The following ANK2 variants were observed in gnomAD, a reference collection of about 807,000 sequenced individuals.
ANK2 encodes the protein ankyrin 2.
Under a neutral mutation model 360.5 loss-of-function variants are expected in ANK2, and 83 were observed. That is an observed-to-expected ratio of 0.23 (90% confidence interval 0.19 to 0.28). The LOEUF is 0.28. ANK2 is among the 10% of genes least tolerant of loss of function. ANK2 has a pLI of 1.00. For synonymous variants in ANK2, 1,740 were observed against 1,759.5 expected, an observed-to-expected ratio of 0.99 and a Z score of 0.28; for missense variants, 4,201 against 4,795.7, an observed-to-expected ratio of 0.88 and a Z score of 3.66.
intron 1 of ANK2, among the ~76,000 whole-genome samples, chr4:113,094,191 G>A (rs2089919177): frequency 6.6e-6 from 1 of 152,008 alleles, no homozygotes; most frequent in Non-Finnish European, 1.5e-5. Flanking sequence ...CAATTTTTCT[G>A]CTTATTTTAA....
At chr4:113,310,589 G>A (rs1028375134) in intron 23 of ANK2, among the ~76,000 whole-genome samples, 1 of 151,980 alleles carries the variant, frequency 6.6e-6, no homozygotes, top group Admixed American at 6.6e-5. Context: ...GCTAATTTTT[G>A]TATTTTTAGT....
At chr4:113,009,827 T>G (rs1203602878) in intron 2 of ANK2, among the ~76,000 whole-genome samples, 1 of 152,110 alleles carries the variant, frequency 6.6e-6, no homozygotes, top group Non-Finnish European at 1.5e-5. Flanking sequence ...ATGTTTTTTC[T>G]TTATGGAGTA....
chr4:113,179,477 T>A (rs2098337004), intron 2 of ANK2, among the ~76,000 whole-genome samples: 1 of 152,222 alleles, frequency 6.6e-6, no homozygotes, highest in Admixed American at 6.5e-5. Flanking sequence ...TTGCTTTTAA[T>A]TATTTAAATG....
At chr4:113,218,840 AT>A (rs2099116920) in intron 4 of ANK2, among the ~76,000 whole-genome samples, 2 of 151,794 alleles carry the variant, frequency 1.3e-5, no homozygotes, top group African/African-American at 4.8e-5. Flanking sequence ...CTAGAAAGTC[AT>A]TTTTTATTTT....
chr4:112,839,349 G>A (rs561210866), intron 1 of ANK2, among the ~76,000 whole-genome samples: 2 of 151,808 alleles, frequency 1.3e-5, no homozygotes, highest in South Asian at 4.2e-4. Context: ...TGATGCTCAG[G>A]ATCAGGCTTT....
In ANK2 at chr4:113,341,724, C is replaced by T. The variant is rs563444325; in HGVS notation, c.3930C>T (p.Ser1310=). The change falls in exon 33 of 46, where the codon TCC becomes TCT. Residue 1310 remains serine, a synonymous_variant. Coordinates refer to ENST00000357077, the MANE Select transcript of ANK2 (RefSeq NM_001148.6). The part of the protein sequence containing the change: ...WLIDCRQIQE[S]VTFASQVYRE... ...TAGATTGTCGACAGATCCAGGAATC[C>T]GTTACTTTTGCATCACAAGTATACA... The T allele has an allele frequency of 2.4e-5, 38 of 1,614,024 alleles. No homozygotes were observed. Among genetic ancestry groups the T allele is most frequent in the Admixed American group, 8.3e-5 (5 of 60,008 alleles).
At chr4:112,772,019 GA>G in the ANK2 span, among the ~76,000 whole-genome samples, 1 of 152,138 alleles carries the variant, frequency 6.6e-6, no homozygotes, top group African/African-American at 2.4e-5. Context: ...GCTGCTTCAG[GA>G]GAAGGTCAGA....
In ANK2 at chr4:113,353,242, G is replaced by A; in HGVS notation, c.4624G>A (p.Glu1542Lys). ...AGTGAAGGAGCTGGTGAAGGCTGCT[G>A]AGGAAGAGCCAGGAGAGCCTTTTGA... is the stretch of plus-strand genomic sequence containing the variant. ...IKVKELVKAA[E>K]EEPGEPFEIV... is the part of the protein sequence containing the mutation. Residue 1542 changes from glutamate to lysine, a missense_variant, in exon 38 of 46, where the codon GAG becomes AAG. Around this residue, in one of 4 missense-constraint regions of ANK2, gnomAD observed 1,268 missense variants for 1,650.8 expected, o/e 0.77. Transcript: ENST00000357077. The A allele has an allele frequency of 6.2e-7, 1 of 1,614,066 alleles. No homozygotes were observed. Among genetic ancestry groups the A allele is most frequent in the Middle Eastern group, 1.7e-4 (1 of 6,056 alleles).
At chr4:113,005,559 A>C (rs904933181) in intron 2 of ANK2, among the ~76,000 whole-genome samples, 1 of 152,170 alleles carries the variant, frequency 6.6e-6, no homozygotes, top group Non-Finnish European at 1.5e-5. Context: ...AGAGAATAGA[A>C]TAATAGATAC....
chr4:112,936,815 G>T (rs2093769995), intron 2 of ANK2, among the ~76,000 whole-genome samples: 1 of 151,856 alleles, frequency 6.6e-6, no homozygotes, highest in African/African-American at 2.4e-5. Flanking sequence ...TTGAGACAAG[G>T]TCTCACTCTG....
At chr4:113,123,720 C>G (rs1264611962) in intron 1 of ANK2, among the ~76,000 whole-genome samples, 1 of 152,050 alleles carries the variant, frequency 6.6e-6, no homozygotes, top group South Asian at 2.1e-4. Context: ...GGAAAAGAGA[C>G]CATAATCCAT....
intron 2 of ANK2, among the ~76,000 whole-genome samples, chr4:112,925,779 T>A (rs1467569486): frequency 6.6e-6 from 1 of 152,200 alleles, no homozygotes; most frequent in Non-Finnish European, 1.5e-5. Flanking sequence ...GAGCATGAAA[T>A]GAGTTTTTTT....
chr4:113,117,073 G>A (rs1353311356), intron 1 of ANK2: 4 of 351,086 alleles, frequency 1.1e-5, no homozygotes, highest in Non-Finnish European at 2.2e-5. Flanking sequence ...CTCGGTTTGG[G>A]ACCTTAGTTC....
chr4:112,910,557 A>G (rs1053229560), intron 2 of ANK2, among the ~76,000 whole-genome samples: 1 of 152,196 alleles, frequency 6.6e-6, no homozygotes, highest in Non-Finnish European at 1.5e-5. Flanking sequence ...GCAGAGGGAG[A>G]AAGTGAAATT....
chr4:113,204,714 C>T (rs2098918936), intron 4 of ANK2, among the ~76,000 whole-genome samples: 1 of 152,106 alleles, frequency 6.6e-6, no homozygotes. Context: ...CCTAGGCATA[C>T]CTCAGTCTTT....
At chr4:112,850,009 C>G (rs2064282981) in intron 1 of ANK2, among the ~76,000 whole-genome samples, 1 of 152,244 alleles carries the variant, frequency 6.6e-6, no homozygotes, top group Middle Eastern at 3.4e-3. Flanking sequence ...TCTATCTTCT[C>G]CTATCCTTGG....
chr4:112,921,643 AT>A (rs577496803), intron 2 of ANK2, among the ~76,000 whole-genome samples: 2 of 150,228 alleles, frequency 1.3e-5, no homozygotes, highest in African/African-American at 4.9e-5. Flanking sequence ...TTGACTTCTA[AT>A]TTTTTTCAAA....
chr4:112,789,125 A>C, the ANK2 span, among the ~76,000 whole-genome samples: 1 of 152,156 alleles, frequency 6.6e-6, no homozygotes, highest in Non-Finnish European at 1.5e-5. Context: ...ATACTCTCAT[A>C]AAGAAGTTGT....
chr4:113,214,777 T>G (rs960770723), intron 4 of ANK2, among the ~76,000 whole-genome samples: 5 of 152,158 alleles, frequency 3.3e-5, no homozygotes, highest in African/African-American at 7.2e-5. Context: ...TCAACTATAT[T>G]TTTTATTCTT....
Sources: allele counts gnomAD v4.1 joint callset (sites outside exome capture counted in the v4.1 genomes callset), GRCh38; gene constraint gnomAD v4.1.1; regional missense constraint gnomAD v4.1.1; transcripts MANE v1.5; gene names NCBI Gene and HGNC (gene_info 2026-07-23, HGNC 2026-07-21).